The following SLC38A12 variants were observed in gnomAD, a reference collection of about 807,000 sequenced individuals.
SLC38A12 encodes solute carrier family 38 member 12.
At chr17:74,795,590 C>T in the SLC38A12 span, 1 of 1,614,074 alleles carries the variant, frequency 6.2e-7, no homozygotes, top group Non-Finnish European at 8.5e-7. Context: ...CTGACCGGTG[C>T]TGGGGGCCCC....
At chr17:74,835,996 T>C in the SLC38A12 span, 10 of 1,611,918 alleles carry the variant, frequency 6.2e-6, no homozygotes, top group Non-Finnish European at 8.5e-6. Context: ...CACCCGCCCC[T>C]GGCTGACTTC....
the SLC38A12 span, among the ~76,000 whole-genome samples, chr17:74,809,839 T>G: frequency 2.0e-5 from 3 of 152,198 alleles, no homozygotes; most frequent in African/African-American, 7.2e-5. Flanking sequence ...GAATAACATT[T>G]TCACAAGTAT....
chr17:74,791,277 C>T, the SLC38A12 span, among the ~76,000 whole-genome samples: 538 of 152,290 alleles, frequency 3.5e-3, 1 homozygote, highest in Non-Finnish European at 6.2e-3. Flanking sequence ...GAACCCCAGG[C>T]AGCTACTCCA....
At chr17:74,805,489 G>T in the SLC38A12 span, among the ~76,000 whole-genome samples, 1 of 152,348 alleles carries the variant, frequency 6.6e-6, no homozygotes, top group South Asian at 2.1e-4. This position sits in a 1 kb window ranked among gnomAD's most constrained non-coding sequence, Gnocchi z 5.0. Context: ...CAGCTCCCCG[G>T]AGAGGGCATC....
At chr17:74,778,839 T>G in the SLC38A12 span, among the ~76,000 whole-genome samples, 1 of 151,966 alleles carries the variant, frequency 6.6e-6, no homozygotes, top group East Asian at 1.9e-4. Flanking sequence ...CAGCTAATTT[T>G]TTGTATTTAG....
chr17:74,781,085 G>A, the SLC38A12 span, among the ~76,000 whole-genome samples: 7 of 152,086 alleles, frequency 4.6e-5, no homozygotes, highest in African/African-American at 1.2e-4. Flanking sequence ...GGCAAAGGCC[G>A]GGGATGCCAC....
the SLC38A12 span, among the ~76,000 whole-genome samples, chr17:74,823,492 A>T: frequency 6.6e-6 from 1 of 152,242 alleles, no homozygotes; most frequent in Admixed American, 6.5e-5. Flanking sequence ...AAAGGGTTAA[A>T]TGGCCTTTGT....
chr17:74,834,588 G>C, the SLC38A12 span, among the ~76,000 whole-genome samples: 1 of 152,164 alleles, frequency 6.6e-6, no homozygotes, highest in African/African-American at 2.4e-5. Flanking sequence ...GAGTGGGCCT[G>C]GCCCAAAGGG....
the SLC38A12 span, among the ~76,000 whole-genome samples, chr17:74,807,400 G>A: frequency 2.0e-5 from 3 of 152,268 alleles, no homozygotes; most frequent in African/African-American, 4.8e-5. Flanking sequence ...GTTGCAATGA[G>A]GGAAACTGCT....
chr17:74,826,647 G>T, the SLC38A12 span, among the ~76,000 whole-genome samples: 1 of 152,090 alleles, frequency 6.6e-6, no homozygotes, highest in Non-Finnish European at 1.5e-5. Flanking sequence ...CCCTGTGGGG[G>T]CCTCCTGTAG....
the SLC38A12 span, chr17:74,839,237 A>C: frequency 7.1e-7 from 1 of 1,411,050 alleles, no homozygotes; most frequent in Non-Finnish European, 9.4e-7. Context: ...GGGCAGTGGC[A>C]CCATGACGGG....
chr17:74,806,339 G>T, the SLC38A12 span, among the ~76,000 whole-genome samples: 1 of 152,106 alleles, frequency 6.6e-6, no homozygotes. Context: ...CTGTGACCCC[G>T]GCTAACCCAG....
the SLC38A12 span, among the ~76,000 whole-genome samples, chr17:74,816,770 G>C: frequency 1.4e-3 from 209 of 152,192 alleles, no homozygotes; most frequent in Non-Finnish European, 5.0e-4. Context: ...TCCTTGAGCA[G>C]AGACTGAGTT....
the SLC38A12 span, among the ~76,000 whole-genome samples, chr17:74,794,297 A>G: frequency 1.3e-5 from 2 of 152,236 alleles, no homozygotes; most frequent in African/African-American, 2.4e-5. Context: ...CTTCTCGTTC[A>G]GCCTCCTGCT....
the SLC38A12 span, chr17:74,790,129 A>T: frequency 7.8e-7 from 1 of 1,275,280 alleles, no homozygotes; most frequent in Non-Finnish European, 1.1e-6. Flanking sequence ...AACATTCTGT[A>T]CTTTTTTGAT....
chr17:74,813,587 GC>G, the SLC38A12 span, among the ~76,000 whole-genome samples: 2 of 152,096 alleles, frequency 1.3e-5, no homozygotes, highest in Admixed American at 6.6e-5. Flanking sequence ...TACAACCTCT[GC>G]CTCCCGGGTT....
chr17:74,810,244 C>G, the SLC38A12 span, among the ~76,000 whole-genome samples: 1 of 152,216 alleles, frequency 6.6e-6, no homozygotes, highest in African/African-American at 2.4e-5. Flanking sequence ...TAGAGCTGGC[C>G]TCTAATGCAC....
At chr17:74,789,845 CAA>C in the SLC38A12 span, among the ~76,000 whole-genome samples, 2,274 of 47,222 alleles carry the variant, frequency 0.048, 50 homozygotes, top group African/African-American at 0.16. Context: ...AACTTCGTCT[CAA>C]AAAAAAAAAA....
the SLC38A12 span, among the ~76,000 whole-genome samples, chr17:74,830,532 G>C: frequency 6.6e-6 from 1 of 152,168 alleles, no homozygotes; most frequent in East Asian, 1.9e-4. Context: ...CTGAGGACTC[G>C]GATGTTATAA....
Sources: gnomAD v4.1 joint callset for allele counts (sites outside exome capture counted in the v4.1 genomes callset) on GRCh38, gnomAD v4.1.1 for gene constraint, Gnocchi (gnomAD v3.1) non-coding constraint, MANE v1.5 for transcripts, NCBI Gene and HGNC (gene_info 2026-07-23, HGNC 2026-07-21) for gene names.